CLEC2L: variants seen among roughly 807,000 people sequenced by gnomAD.
The protein encoded by CLEC2L is C-type lectin domain family 2 member L, also known as C-type lectin domain family 2, member L.
In CLEC2L, 14 loss-of-function variants were observed where a neutral mutation model predicts 23.6. That is an observed-to-expected ratio of 0.59 (90% CI 0.39 to 0.93). The LOEUF (loss-of-function observed/expected upper bound fraction) is 0.93, where lower values mean the gene tolerates loss of function less well. Ranked by LOEUF, CLEC2L falls within the 40% of genes least tolerant of loss-of-function variation. The probability of loss-of-function intolerance (pLI) is 0.00; values close to 1 mark genes in which losing one functional copy is unlikely to be tolerated. For missense variants in CLEC2L, 264 were observed against 282.4 expected (o/e 0.93, Z 0.47); for synonymous variants, 114 against 121.3 (o/e 0.94, Z 0.40).
In CLEC2L at chr7:139,523,877, G is replaced by T. The variant is rs1797465372; in HGVS notation, c.-51G>T. ...GAGCGCCGAGTGCGCGTCGGGCTGG[G>T]CCCCGCACCCCGGTGCAGGAGCGCG... On this transcript the variant is annotated 5_prime_UTR_variant, in exon 1 of 5. Coordinates refer to ENST00000422142, the MANE Select transcript of CLEC2L (RefSeq NM_001080511.4). The surrounding 1 kb of genome is among the most constrained non-coding windows in gnomAD (Gnocchi z 4.1). The T allele has an allele frequency of 1.0e-6, 1 of 976,072 alleles. No homozygotes were observed. The highest frequency in any genetic ancestry group is 1.2e-6 in the Non-Finnish European group (1 of 824,574). The allele number at this position is 976,072 out of a possible 1,614,324, so 60.5% of individuals were successfully genotyped here.
intron 1 of CLEC2L, among the ~76,000 whole-genome samples, chr7:139,527,721 C>A (rs940415333): frequency 1.3e-5 from 2 of 152,112 alleles, no homozygotes; most frequent in Non-Finnish European, 2.9e-5. Flanking sequence ...AGTGAGCCTG[C>A]GTGCCTCAGC....
Position 139,540,570 on chromosome 7 carries a change from A to T in CLEC2L, c.432+83A>T. ...GACTCTAGGGGACAGCCACACAGTA[A>T]AGGATGCAGTGTTCCCTGTGACACG... On this transcript the variant is annotated intron_variant, in intron 3 of 4. Transcript: ENST00000422142. The surrounding 1 kb of genome is among the most constrained non-coding windows in gnomAD (Gnocchi z 5.8). 6.8e-7 allele frequency: 1 copy of T among 1,468,446 alleles called. No homozygotes were observed. The highest frequency in any genetic ancestry group is 1.2e-5 in the South Asian group (1 of 81,346). The allele number at this position is 1,468,446 out of a possible 1,614,324, so 91.0% of individuals were successfully genotyped here.
chr7:139,524,926 C>T (rs1351498942), intron 1 of CLEC2L, among the ~76,000 whole-genome samples: 1 of 152,046 alleles, frequency 6.6e-6, no homozygotes, highest in Non-Finnish European at 1.5e-5. Context: ...CTTAGGGAGG[C>T]AGTGTCAGAA....
intron 1 of CLEC2L, chr7:139,534,614 T>A (rs1797626994): frequency 3.0e-6 from 2 of 672,352 alleles, no homozygotes; most frequent in Non-Finnish European, 5.4e-6. Context: ...GAGTACGGTG[T>A]GCTGTAGCGG....
Position 139,544,251 on chromosome 7 carries a change from G to A in CLEC2L, c.554G>A (p.Gly185Glu), listed in dbSNP as rs892766283. The A allele has an allele frequency of 6.2e-6, 10 of 1,613,246 alleles. No individual in the cohort carries two copies. Among genetic ancestry groups the A allele is most frequent in the Non-Finnish European group, 8.5e-6 (10 of 1,179,632 alleles). ...DPDTFTIAGP[G>E]ECVFVEPTRL... is the part of the protein sequence containing the mutation. ...CACAGGTTCACCATCGCAGGTCCAG[G>A]GGAGTGTGTCTTCGTGGAGCCCACC... Residue 185 changes from glycine (G) to glutamate (E), a missense_variant, in exon 5 of 5, where the codon GGG becomes GAG. Coordinates refer to ENST00000422142, the MANE Select transcript of CLEC2L (RefSeq NM_001080511.4).
Position 139,523,859 on chromosome 7 carries a change from G to A in CLEC2L, c.-69G>A, listed in dbSNP as rs908001058. 5 of 966,804 alleles carry A rather than the reference G, an allele frequency of 5.2e-6. No homozygotes were observed. In the African/African-American group the frequency reaches 8.9e-5, roughly 17 times the overall value. 59.9% of individuals were successfully genotyped at this position (966,804 alleles called of 1,614,324 possible). A position where few individuals can be genotyped will look rare whatever the true frequency, so the allele number is the denominator to read the frequency against. On this transcript the variant is annotated 5_prime_UTR_variant, in exon 1 of 5. Transcript: ENST00000422142. This position sits in a 1 kb window ranked among gnomAD's most constrained non-coding sequence, Gnocchi z 4.1. ...GGGCCCGCAGGGCGCGCGGAGCGCC[G>A]AGTGCGCGTCGGGCTGGGCCCCGCA...
At chr7:139,525,761 C>G (rs1028280394) in intron 1 of CLEC2L, among the ~76,000 whole-genome samples, 1 of 152,176 alleles carries the variant, frequency 6.6e-6, no homozygotes, top group African/African-American at 2.4e-5. Flanking sequence ...TTAATGCCTC[C>G]TGCTTGCTGT....
chr7:139,535,286 A>G (rs1797636757), intron 1 of CLEC2L, among the ~76,000 whole-genome samples: 1 of 152,228 alleles, frequency 6.6e-6, no homozygotes, highest in Non-Finnish European at 1.5e-5. Flanking sequence ...AAAAGGAAAA[A>G]GATGTTTCCT....
At chr7:139,531,918 A>T (rs1323032946) in intron 1 of CLEC2L, among the ~76,000 whole-genome samples, 1 of 152,072 alleles carries the variant, frequency 6.6e-6, no homozygotes, top group Admixed American at 6.5e-5. Context: ...TCAAAAAAAA[A>T]AAGAAAAAGA....
intron 1 of CLEC2L, among the ~76,000 whole-genome samples, chr7:139,535,937 C>G (rs1394783668): frequency 6.6e-6 from 1 of 152,270 alleles, no homozygotes; most frequent in Non-Finnish European, 1.5e-5. Context: ...CAGGGAGTCA[C>G]AGAATCAGAG....
intron 1 of CLEC2L, chr7:139,534,297 T>G: frequency 6.8e-7 from 1 of 1,471,258 alleles, no homozygotes. Context: ...GCAGAACTTA[T>G]GCTGACTACG....
chr7:139,529,888 G>A (rs1257649550), intron 1 of CLEC2L, among the ~76,000 whole-genome samples: 1 of 151,998 alleles, frequency 6.6e-6, no homozygotes, highest in Non-Finnish European at 1.5e-5. Flanking sequence ...CCAACGTGGA[G>A]AAACCCCAAC....
At chr7:139,534,091 G>A in intron 1 of CLEC2L, 1 of 600,884 alleles carries the variant, frequency 1.7e-6, no homozygotes, top group Non-Finnish European at 3.0e-6. Flanking sequence ...AACAAGTATT[G>A]GTGAGAGGAT....
chr7:139,531,215 T>A (rs1301368790), intron 1 of CLEC2L, among the ~76,000 whole-genome samples: 1 of 152,206 alleles, frequency 6.6e-6, no homozygotes, highest in East Asian at 1.9e-4. Flanking sequence ...ACAGAGGTTA[T>A]ACAGGGAGAA....
At chr7:139,536,690 T>C (rs1214409600) in intron 2 of CLEC2L, among the ~76,000 whole-genome samples, 1 of 151,986 alleles carries the variant, frequency 6.6e-6, no homozygotes, top group African/African-American at 2.4e-5. Flanking sequence ...AAGGATCATA[T>C]TCGGCCGGGC....
At chr7:139,531,120 T>C (rs1797576569) in intron 1 of CLEC2L, among the ~76,000 whole-genome samples, 1 of 152,180 alleles carries the variant, frequency 6.6e-6, no homozygotes, top group South Asian at 2.1e-4. Flanking sequence ...GTGAACTCAT[T>C]AGTCTTCCTG....
chr7:139,542,197 C>G, intron 4 of CLEC2L, 76 bp downstream of exon 4: 5 of 966,386 alleles, frequency 5.2e-6, no homozygotes, highest in Non-Finnish European at 7.8e-6. Context: ...ACACAACTCC[C>G]GAAGAGAGAA....
chr7:139,534,220 T>C, intron 1 of CLEC2L: 4 of 858,570 alleles, frequency 4.7e-6, no homozygotes. Context: ...CGGCAGCGGC[T>C]GTAGCAAAGA....
rs1471467243 is a variant in CLEC2L at position 139,540,721 on chromosome 7, C to A, written c.432+234C>A. On this transcript the variant is annotated intron_variant, in intron 3 of 4. Coordinates refer to ENST00000422142, the MANE Select transcript of CLEC2L (RefSeq NM_001080511.4). This position sits in a 1 kb window ranked among gnomAD's most constrained non-coding sequence, Gnocchi z 5.8. The stretch of plus-strand genomic sequence containing the variant: ...AAGGCCACCTATTTCAATCCAAGGC[C>A]CACTGGTTGAGGTCACTTAGTATTA... 6.6e-6 allele frequency among the ~76,000 whole-genome samples: 1 copy of A among 152,126 alleles called. No homozygotes were observed. Among genetic ancestry groups the A allele is most frequent in the Non-Finnish European group, 1.5e-5 (1 of 68,022 alleles).
Sources: gnomAD v4.1 joint callset for allele counts (sites outside exome capture counted in the v4.1 genomes callset) on GRCh38, gnomAD v4.1.1 for gene constraint, Gnocchi (gnomAD v3.1) non-coding constraint, MANE v1.5 for transcripts, NCBI Gene and HGNC (gene_info 2026-07-23, HGNC 2026-07-21) for gene names.